Variants in DOCK10 observed in about 807,000 individuals in gnomAD.
The protein encoded by DOCK10 is dedicator of cytokinesis protein 10.
DOCK10 carries 145 observed loss-of-function variants against 280.1 expected under a neutral mutation model. The observed-to-expected ratio is 0.52, with a 90% CI of 0.45 to 0.59. The LOEUF (loss-of-function observed/expected upper bound fraction) is 0.59. DOCK10 is among the 20% of genes least tolerant of loss of function. The pLI is 0.00. For missense variants in DOCK10, 2,368 were observed against 2,651.7 expected (o/e 0.89, Z 2.35); for synonymous variants, 915 against 942.2 (o/e 0.97, Z 0.53).
intron 1 of DOCK10, among the ~76,000 whole-genome samples, chr2:224,971,308 G>C (rs1431719346): frequency 6.6e-6 from 1 of 152,126 alleles, no homozygotes; most frequent in East Asian, 1.9e-4. Flanking sequence ...GGGTGTGGTT[G>C]GGTTGCAAGA....
At chr2:224,929,331 G>C (rs72974620) in intron 2 of DOCK10, among the ~76,000 whole-genome samples, 1 of 152,214 alleles carries the variant, frequency 6.6e-6, no homozygotes, top group African/African-American at 2.4e-5. Context: ...ATAATGCCCA[G>C]TATTCAGTAT....
intron 15 of DOCK10, among the ~76,000 whole-genome samples, chr2:224,855,591 C>T (rs1697071008): frequency 6.6e-6 from 1 of 152,200 alleles, no homozygotes; most frequent in African/African-American, 2.4e-5. Flanking sequence ...CCTTCCCCAC[C>T]TGTCTCCCAC....
chr2:224,951,342 T>C (rs1209554565), intron 1 of DOCK10, among the ~76,000 whole-genome samples: 2 of 152,176 alleles, frequency 1.3e-5, no homozygotes, highest in African/African-American at 4.8e-5. Flanking sequence ...CTTATGTAAG[T>C]ATGTATTTAT....
At chr2:224,973,270 A>G (rs773095824) in intron 1 of DOCK10, among the ~76,000 whole-genome samples, 5 of 152,158 alleles carry the variant, frequency 3.3e-5, no homozygotes, top group African/African-American at 2.4e-5. Flanking sequence ...TACATGTCCT[A>G]ATCCCCAGAA....
At chr2:224,979,696 C>T (rs1214092637) in intron 1 of DOCK10, among the ~76,000 whole-genome samples, 1 of 152,230 alleles carries the variant, frequency 6.6e-6, no homozygotes, top group Non-Finnish European at 1.5e-5. Flanking sequence ...AGGGTCTTTC[C>T]TCAAATGCCA....
At chr2:224,960,011 C>A (rs1704271920) in intron 1 of DOCK10, among the ~76,000 whole-genome samples, 2 of 152,130 alleles carry the variant, frequency 1.3e-5, no homozygotes. Flanking sequence ...CTCCTCTATC[C>A]CCTCACCTTC....
intron 1 of DOCK10, among the ~76,000 whole-genome samples, chr2:225,037,454 G>A (rs79568916): frequency 0.081 from 12,302 of 152,112 alleles, 696 homozygotes; most frequent in Middle Eastern, 0.17. Context: ...ACCAATCAAC[G>A]TCAGCTACTC....
At position 224,841,865 on chromosome 2, in the gene DOCK10, C is replaced by G; in HGVS notation, c.2600G>C (p.Cys867Ser). Reference protein sequence around the residue: ...DPHVNAFFQECQKREKDMSQS... With the variant: ...DPHVNAFFQESQKREKDMSQS... Reference sequence around the variant, plus strand: ...AGACATATCTTTCTCTCTTTTTTGGCACTCTTGGAAAAATGCATTCACATG... The same window carrying G: ...AGACATATCTTTCTCTCTTTTTTGGGACTCTTGGAAAAATGCATTCACATG... Residue 867 changes from cysteine (C) to serine (S), a missense_variant, in exon 23 of 56, where the codon TGC becomes TCC. Transcript: ENST00000258390. 6.2e-7 allele frequency: 1 copy of G among 1,613,036 alleles called. No individual in the cohort carries two copies. Among genetic ancestry groups the G allele is most frequent in the Non-Finnish European group, 8.5e-7 (1 of 1,179,280 alleles).
chr2:224,775,945 T>A (rs1181774606), intron 51 of DOCK10, among the ~76,000 whole-genome samples: 1 of 152,208 alleles, frequency 6.6e-6, no homozygotes, highest in Non-Finnish European at 1.5e-5. Flanking sequence ...GCCTATTACA[T>A]GATTGCAAAA....
intron 1 of DOCK10, among the ~76,000 whole-genome samples, chr2:225,041,592 C>A (rs12994315): frequency 6.6e-6 from 1 of 152,204 alleles, no homozygotes; most frequent in Non-Finnish European, 1.5e-5. Context: ...CGCGAAACAT[C>A]TTAGAAAAAT....
At chr2:224,881,532 A>G (rs1029379862) in intron 7 of DOCK10, among the ~76,000 whole-genome samples, 10 of 152,114 alleles carry the variant, frequency 6.6e-5, no homozygotes, top group Non-Finnish European at 1.2e-4. Context: ...ATAATACATC[A>G]TTTCTTTGGG....
chr2:224,802,150 T>G, intron 39 of DOCK10, 110 bp from the exon 40 acceptor site: 1 of 1,133,650 alleles, frequency 8.8e-7, no homozygotes, highest in Non-Finnish European at 1.2e-6. Flanking sequence ...AAAACTAGTT[T>G]GGAAAGCAAC....
intron 1 of DOCK10, among the ~76,000 whole-genome samples, chr2:224,941,673 G>A (rs1017507321): frequency 2.0e-5 from 3 of 151,900 alleles, no homozygotes; most frequent in Admixed American, 1.3e-4. Flanking sequence ...GTGAAACCCC[G>A]TCTCTACTAA....
At chr2:224,875,110 T>C (rs1574975869) in intron 8 of DOCK10, among the ~76,000 whole-genome samples, 1 of 152,234 alleles carries the variant, frequency 6.6e-6, no homozygotes, top group East Asian at 1.9e-4. Context: ...GGCTATCAAT[T>C]TAGAATCCAC....
intron 11 of DOCK10, among the ~76,000 whole-genome samples, chr2:224,868,049 T>G (rs891353476): frequency 5.3e-5 from 8 of 152,172 alleles, no homozygotes; most frequent in Admixed American, 4.6e-4. Flanking sequence ...GAGGTTTTTT[T>G]TGTGTGTGGG....
chr2:224,784,450 C>G (rs77178531), intron 50 of DOCK10, among the ~76,000 whole-genome samples: 3 of 152,324 alleles, frequency 2.0e-5, no homozygotes, highest in Admixed American at 2.0e-4. Context: ...ATACTTATCT[C>G]TGTGTGTGTT....
chr2:224,871,771 C>T (rs929389317), intron 11 of DOCK10, among the ~76,000 whole-genome samples: 3 of 152,188 alleles, frequency 2.0e-5, no homozygotes, highest in Admixed American at 6.6e-5. Flanking sequence ...ATCACCTCTG[C>T]CGAGAGGGCC....
intron 1 of DOCK10, chr2:224,946,828 T>C (rs569729596): frequency 8.0e-6 from 12 of 1,503,228 alleles, no homozygotes; most frequent in East Asian, 2.5e-5. Context: ...AAGCAAAACA[T>C]TGACATTTGG....
intron 1 of DOCK10, among the ~76,000 whole-genome samples, chr2:224,969,523 T>G (rs570287771): frequency 6.6e-6 from 1 of 152,342 alleles, no homozygotes; most frequent in Non-Finnish European, 1.5e-5. Context: ...GGCTGTTCAC[T>G]GGTTCATTTG....
Sources: allele counts gnomAD v4.1 joint callset (sites outside exome capture counted in the v4.1 genomes callset), GRCh38; gene constraint gnomAD v4.1.1; transcripts MANE v1.5; gene names NCBI Gene and HGNC (gene_info 2026-07-23, HGNC 2026-07-21).